The following CAPRIN1 variants were observed in gnomAD, a reference collection of about 807,000 sequenced individuals.
CAPRIN1 encodes the protein cell cycle associated protein 1.
CAPRIN1 carries 29 observed loss-of-function variants against 100.9 expected under a neutral mutation model. The ratio of observed to expected loss-of-function variants is 0.29; its 90% confidence interval spans 0.21 to 0.39. The LOEUF (loss-of-function observed/expected upper bound fraction) is 0.39. Among genes scored for constraint, CAPRIN1 ranks in the 10% least tolerant of loss-of-function variants. The pLI is 1.00. For synonymous variants in CAPRIN1, 338 were observed against 307.5 expected, an observed-to-expected ratio of 1.10 and a Z score of -1.04; for missense variants, 795 against 876.7, an observed-to-expected ratio of 0.91 and a Z score of 1.18.
chr11:34,088,249 C>T (rs1359591911), intron 11 of CAPRIN1, among the ~76,000 whole-genome samples: 2 of 152,150 alleles, frequency 1.3e-5, no homozygotes, highest in Admixed American at 6.5e-5. Flanking sequence ...GTGATCCACC[C>T]GCCTCGGCCT....
At chr11:34,075,863 A>C (rs1470810783) in intron 4 of CAPRIN1, among the ~76,000 whole-genome samples, 6 of 152,222 alleles carry the variant, frequency 3.9e-5, no homozygotes, top group African/African-American at 1.4e-4. Flanking sequence ...CAATACAATG[A>C]AACTCTTTGT....
Position 34,076,227 on chromosome 11 carries a change from G to T in CAPRIN1, c.367-9G>T. 1.9e-6 allele frequency: 3 copies of T among 1,601,572 alleles called. No homozygotes were observed. Among genetic ancestry groups the T allele is most frequent in the Non-Finnish European group, 2.6e-6 (3 of 1,170,188 alleles). On this transcript the variant is annotated splice_polypyrimidine_tract_variant and intron_variant, in intron 4 of 18. Coordinates refer to ENST00000341394, the MANE Select transcript of CAPRIN1 (RefSeq NM_005898.5). Reference sequence around the variant, plus strand: ...AATTTTGGTGTTTTACTTTTATATTGTTTTGCAGATTCAGAAAACAATAAA... The same window carrying T: ...AATTTTGGTGTTTTACTTTTATATTTTTTTGCAGATTCAGAAAACAATAAA...
At chr11:34,065,465 T>G (rs1342643015) in intron 2 of CAPRIN1, among the ~76,000 whole-genome samples, 1 of 152,218 alleles carries the variant, frequency 6.6e-6, no homozygotes, top group East Asian at 1.9e-4. Context: ...ACCACTGAGT[T>G]TCTGATTCAG....
Position 34,101,985 on chromosome 11 carries a change from C to T in CAPRIN1, c.*2618C>T, listed in dbSNP as rs1851461376. 6.6e-6 allele frequency among the ~76,000 whole-genome samples: 1 copy of T among 152,006 alleles called. No homozygotes were observed. The highest frequency in any genetic ancestry group is 6.6e-5 in the Admixed American group (1 of 15,266). ...AAAAAGGTAGAATGTTATTGATTAC[C>T]TTGATTAGGGCAGTTTTATTTCCAG... On this transcript the variant is annotated 3_prime_UTR_variant, in exon 19 of 19. Coordinates refer to ENST00000341394, the MANE Select transcript of CAPRIN1 (RefSeq NM_005898.5).
chr11:34,097,849 T>TA, intron 18 of CAPRIN1, 88 bp downstream of exon 18: 1 of 1,605,966 alleles, frequency 6.2e-7, no homozygotes, highest in Non-Finnish European at 8.5e-7. Context: ...ATGTTAGGAA[T>TA]ACATTTATCC....
chr11:34,084,093 G>T (rs1851087917), intron 9 of CAPRIN1, among the ~76,000 whole-genome samples: 1 of 152,006 alleles, frequency 6.6e-6, no homozygotes, highest in African/African-American at 2.4e-5. Flanking sequence ...TTTCCAAAGA[G>T]ATTGCAAAGT....
At chr11:34,064,551 T>C (rs1850648228) in intron 2 of CAPRIN1, among the ~76,000 whole-genome samples, 2 of 152,228 alleles carry the variant, frequency 1.3e-5, no homozygotes, top group Admixed American at 6.5e-5. Flanking sequence ...GATTGCAAGC[T>C]ATAGTAATCT....
chr11:34,087,767 T>G (rs1565095286), intron 11 of CAPRIN1, among the ~76,000 whole-genome samples: 1 of 152,230 alleles, frequency 6.6e-6, no homozygotes, highest in Non-Finnish European at 1.5e-5. Flanking sequence ...TGGGGAGTTG[T>G]GTGAAAGTCA....
At chr11:34,056,109 TGTG>T (rs1850444616) in intron 2 of CAPRIN1, among the ~76,000 whole-genome samples, 1 of 152,194 alleles carries the variant, frequency 6.6e-6, no homozygotes, top group Admixed American at 6.5e-5. Context: ...TAGAAACCCT[TGTG>T]GAGTAAAGTG....
At chr11:34,063,206 A>G (rs997419465) in intron 2 of CAPRIN1, 9 of 152,316 alleles carry the variant, frequency 5.9e-5, no homozygotes, top group East Asian at 5.8e-4. Context: ...ATGTATTGCA[A>G]TTCAGCACAA....
intron 11 of CAPRIN1, among the ~76,000 whole-genome samples, chr11:34,088,824 A>G (rs915854803): frequency 3.9e-5 from 6 of 152,180 alleles, no homozygotes; most frequent in Non-Finnish European, 8.8e-5. Flanking sequence ...TTTTGGAAAA[A>G]ACAAGATGAA....
intron 2 of CAPRIN1, among the ~76,000 whole-genome samples, chr11:34,070,755 T>C (rs939573353): frequency 6.6e-6 from 1 of 151,028 alleles, no homozygotes. Context: ...CAGGCTGGAG[T>C]GCAATGGTGC....
intron 2 of CAPRIN1, among the ~76,000 whole-genome samples, chr11:34,058,063 C>T (rs1590718769): frequency 6.6e-6 from 1 of 152,034 alleles, no homozygotes; most frequent in Non-Finnish European, 1.5e-5. Flanking sequence ...GAATTTAGTC[C>T]AGTTCATTTT....
At chr11:34,079,914 T>G (rs935120216) in intron 7 of CAPRIN1, 149 bp downstream of exon 7, 2 of 1,590 alleles carry the variant, frequency 1.3e-3, no homozygotes, top group African/African-American at 0.013. Context: ...AGTTTTTTTT[T>G]TTTTTTTTTT....
chr11:34,097,965 T>C (rs1851397113), intron 18 of CAPRIN1: 1 of 1,314,378 alleles, frequency 7.6e-7, no homozygotes, highest in African/African-American at 1.5e-5. Context: ...TGTTACTATA[T>C]AAACTGTCTT....
intron 2 of CAPRIN1, among the ~76,000 whole-genome samples, chr11:34,066,547 T>C (rs1188490795): frequency 1.3e-5 from 2 of 151,898 alleles, no homozygotes; most frequent in African/African-American, 4.8e-5. Context: ...TTGGCCAGGC[T>C]GGTCTCGAAC....
intron 2 of CAPRIN1, among the ~76,000 whole-genome samples, chr11:34,058,835 C>T (rs1234510146): frequency 6.6e-5 from 10 of 152,136 alleles, no homozygotes; most frequent in East Asian, 3.9e-4. Context: ...TGTTGTAGAC[C>T]GGAAAAATCT....
intron 7 of CAPRIN1, 89 bp downstream of exon 7, chr11:34,079,854 T>A: frequency 1.6e-6 from 2 of 1,236,678 alleles, no homozygotes; most frequent in Non-Finnish European, 2.2e-6. Flanking sequence ...TACTTAGTTT[T>A]CATATATGTA....
intron 2 of CAPRIN1, chr11:34,053,043 C>T: frequency 1.9e-6 from 2 of 1,037,102 alleles, no homozygotes; most frequent in Non-Finnish European, 2.3e-6. Flanking sequence ...GCGGGGGGCT[C>T]CGGGTTCAAC....
Sources: allele counts gnomAD v4.1 joint callset (sites outside exome capture counted in the v4.1 genomes callset), GRCh38; gene constraint gnomAD v4.1.1; transcripts MANE v1.5; gene names NCBI Gene and HGNC (gene_info 2026-07-23, HGNC 2026-07-21).